SHISAL2B: variants seen among roughly 807,000 people sequenced by gnomAD.
SHISAL2B encodes protein shisa-like-2B.
A neutral mutation model predicts 16.5 loss-of-function variants in SHISAL2B; 12 were observed. The observed-to-expected ratio is 0.73, with a 90% CI of 0.47 to 1.18. The LOEUF is 1.18. Ranked by LOEUF, SHISAL2B falls within the 50% of genes most tolerant of loss-of-function variation. SHISAL2B has a pLI of 0.00. For synonymous variants in SHISAL2B, 72 were observed against 75.0 expected (o/e 0.96, Z 0.21); for missense variants, 183 against 193.6 (o/e 0.95, Z 0.33).
chr5:64,692,850 T>C (rs1245949880), intron 1 of SHISAL2B, among the ~76,000 whole-genome samples: 1 of 152,208 alleles, frequency 6.6e-6, no homozygotes, highest in Non-Finnish European at 1.5e-5. Flanking sequence ...CTTGGTAACC[T>C]TCTCCAGGAC....
At position 64,702,731 on chromosome 5, in the gene SHISAL2B, C is replaced by G. The variant is rs147869294; in HGVS notation, c.349+7067C>G. Among the ~76,000 whole-genome samples, 48 of 152,068 alleles carry G rather than the reference C, an allele frequency of 3.2e-4. No homozygotes were observed. In the South Asian group the frequency reaches 4.4e-3, roughly 14 times the overall value. On this transcript the variant is annotated intron_variant, in intron 2 of 2. Coordinates refer to ENST00000389074, the MANE Select transcript of SHISAL2B (RefSeq NM_001164442.2). ...TTTTCTTATACTTAAATCTTTAATA[C>G]TCCTGGAGCTTTAATTTTGGTATAA...
At chr5:64,716,893 C>A (rs1742063967) in intron 2 of SHISAL2B, among the ~76,000 whole-genome samples, 1 of 152,110 alleles carries the variant, frequency 6.6e-6, no homozygotes, top group South Asian at 2.1e-4. Flanking sequence ...TAAAGAATAG[C>A]TCTTTGAATG....
intron 2 of SHISAL2B, among the ~76,000 whole-genome samples, chr5:64,714,892 C>A (rs1015192229): frequency 2.6e-5 from 4 of 152,192 alleles, no homozygotes; most frequent in Non-Finnish European, 5.9e-5. Flanking sequence ...CCTCGCCCTG[C>A]TTCAGCTCGT....
intron 2 of SHISAL2B, among the ~76,000 whole-genome samples, chr5:64,715,617 G>C (rs1328570676): frequency 1.3e-5 from 2 of 152,188 alleles, no homozygotes; most frequent in African/African-American, 4.8e-5. Context: ...AGCAGAACCA[G>C]ATCATCAGCC....
chr5:64,712,923 C>CT, intron 2 of SHISAL2B, among the ~76,000 whole-genome samples: 1 of 151,874 alleles, frequency 6.6e-6, no homozygotes, highest in Non-Finnish European at 1.5e-5. Flanking sequence ...TATTTTGAGC[C>CT]TATGTGTGTC....
chr5:64,695,485 AT>A (rs754495757), intron 1 of SHISAL2B, 21 bp from the exon 2 acceptor site: 35 of 1,508,950 alleles, frequency 2.3e-5, no homozygotes, highest in African/African-American at 5.6e-5. Context: ...TGTGACACAT[AT>A]TTTTTTTCTG....
chr5:64,716,749 G>A (rs1040533079), intron 2 of SHISAL2B, among the ~76,000 whole-genome samples: 2 of 152,174 alleles, frequency 1.3e-5, no homozygotes, highest in Non-Finnish European at 2.9e-5. Context: ...AAAGAGGTTG[G>A]AGTGAACCAA....
At chr5:64,695,696 C>A in intron 2 of SHISAL2B, 32 bp downstream of exon 2, 1 of 1,437,548 alleles carries the variant, frequency 7.0e-7, no homozygotes, top group Non-Finnish European at 9.2e-7. Flanking sequence ...TTACCAATTA[C>A]CTGAACTCTA....
chr5:64,691,545 G>C (rs897328989), intron 1 of SHISAL2B: 1 of 151,944 alleles, frequency 6.6e-6, no homozygotes, highest in Non-Finnish European at 1.5e-5. Context: ...TGTAGAACAG[G>C]ACACCCCCTT....
chr5:64,697,514 A>G (rs1741756147), intron 2 of SHISAL2B, among the ~76,000 whole-genome samples: 1 of 152,188 alleles, frequency 6.6e-6, no homozygotes, highest in Non-Finnish European at 1.5e-5. Context: ...ATAAAACTCA[A>G]TTGCAAAGAA....
At chr5:64,696,585 G>T (rs1741739457) in intron 2 of SHISAL2B, among the ~76,000 whole-genome samples, 1 of 152,100 alleles carries the variant, frequency 6.6e-6, no homozygotes, top group Admixed American at 6.5e-5. Context: ...TGCATTCCTG[G>T]GGGGAGGTCT....
At chr5:64,705,426 A>C (rs1385167075) in intron 2 of SHISAL2B, among the ~76,000 whole-genome samples, 1 of 152,182 alleles carries the variant, frequency 6.6e-6, no homozygotes, top group Non-Finnish European at 1.5e-5. Flanking sequence ...ACTACTATGA[A>C]TTTAAGTATG....
chr5:64,702,975 T>C (rs1741829977), intron 2 of SHISAL2B, among the ~76,000 whole-genome samples: 1 of 152,204 alleles, frequency 6.6e-6, no homozygotes. Flanking sequence ...ACTGTAGCTA[T>C]ACAGTTTATT....
chr5:64,709,279 T>C (rs1741918950), intron 2 of SHISAL2B, among the ~76,000 whole-genome samples: 1 of 149,242 alleles, frequency 6.7e-6, no homozygotes, highest in Non-Finnish European at 1.5e-5. Flanking sequence ...TGAGTGAGAA[T>C]ATGTGGTGTT....
chr5:64,700,140 C>A (rs1580520955), intron 2 of SHISAL2B, among the ~76,000 whole-genome samples: 1 of 152,156 alleles, frequency 6.6e-6, no homozygotes, highest in East Asian at 1.9e-4. Flanking sequence ...TGAAAGGCAC[C>A]CTTCTGAGTC....
intron 1 of SHISAL2B, among the ~76,000 whole-genome samples, chr5:64,693,156 T>C (rs564251540): frequency 3.4e-4 from 52 of 152,078 alleles, no homozygotes; most frequent in East Asian, 5.8e-4. Flanking sequence ...TACAGGCGCC[T>C]GCCACCATGC....
At position 64,694,878 on chromosome 5, in the gene SHISAL2B, G is replaced by T. The variant is rs1741710233; in HGVS notation, c.192-629G>T. Among the ~76,000 whole-genome samples the T allele has an allele frequency of 2.0e-5, 3 of 152,112 alleles. 1 individual carries two copies. Among genetic ancestry groups the T allele is most frequent in the Admixed American group, 2.0e-4 (3 of 15,288 alleles). ...CCTTCTAAAGTATATTAATAATAGA[G>T]ATTTATTTGATGGAGATGTTTTAGA... On this transcript the variant is annotated intron_variant, in intron 1 of 2. Transcript: ENST00000389074.
rs1297399092 is a variant in SHISAL2B at position 64,694,014 on chromosome 5, TCTC to T, written c.192-1490_192-1488del. On this transcript the variant is annotated intron_variant, in intron 1 of 2. Coordinates refer to ENST00000389074, the MANE Select transcript of SHISAL2B (RefSeq NM_001164442.2). ...CTTAGCTCTTCACTTTCAGTTCTGTTCTCCTTCCTCCCAAAGCAACAATGCTCC... is the reference window on the plus strand; with the variant it reads ...CTTAGCTCTTCACTTTCAGTTCTGTTCTTCCTCCCAAAGCAACAATGCTCC... The T allele has an allele frequency of 8.9e-6, 4 of 449,254 alleles. No individual in the cohort carries two copies. The East Asian group carries it at 2.9e-4, about 32-fold the overall frequency. The allele number at this position is 449,254 out of a possible 1,614,324, so 27.8% of individuals were successfully genotyped here.
At chr5:64,704,159 G>A (rs1207028973) in intron 2 of SHISAL2B, among the ~76,000 whole-genome samples, 2 of 152,128 alleles carry the variant, frequency 1.3e-5, no homozygotes, top group African/African-American at 4.8e-5. Context: ...GAGGACATTC[G>A]CAGATGATAG....
Sources: allele counts gnomAD v4.1 joint callset (sites outside exome capture counted in the v4.1 genomes callset), GRCh38; gene constraint gnomAD v4.1.1; transcripts MANE v1.5; gene names NCBI Gene and HGNC (gene_info 2026-07-23, HGNC 2026-07-21).